EML5: variants seen among roughly 807,000 people sequenced by gnomAD.
The protein encoded by EML5 is EMAP like 5.
A neutral mutation model predicts 250.0 loss-of-function variants in EML5; 120 were observed. The observed-to-expected ratio is 0.48, with a 90% confidence interval of 0.41 to 0.56. The LOEUF (loss-of-function observed/expected upper bound fraction) is 0.56, where lower values mean the gene tolerates loss of function less well. Ranked by LOEUF, EML5 falls within the 20% of genes least tolerant of loss-of-function variation. EML5 has a pLI of 0.00. For missense variants in EML5, 2,006 were observed against 2,437.6 expected, an observed-to-expected ratio of 0.82 and a Z score of 3.73; for synonymous variants, 771 against 806.5, an observed-to-expected ratio of 0.96 and a Z score of 0.75.
intron 7 of EML5, among the ~76,000 whole-genome samples, chr14:88,736,034 C>T (rs1180438300): frequency 1.4e-5 from 2 of 139,444 alleles, no homozygotes; most frequent in Admixed American, 1.5e-4. Context: ...TGGAGTCTCA[C>T]TCTGTTGCCA....
Position 88,783,130 on chromosome 14 carries a change from G to A in EML5, c.197+9177C>T, listed in dbSNP as rs150099287. ...AAGAAAGAAAAGAAAATGCCTGGAC[G>A]TCCAGGTAGAGGTATGTTGCAGGGG... On this transcript the variant is annotated intron_variant, in intron 1 of 43. Transcript: ENST00000554922. 9.3e-4 allele frequency among the ~76,000 whole-genome samples: 141 copies of A among 152,294 alleles called. 1 individual carries two copies. Among genetic ancestry groups the A allele is most frequent in the African/African-American group, 2.5e-3 (104 of 41,576 alleles).
At chr14:88,622,458 G>A (rs1003885164) in intron 37 of EML5, 146 bp downstream of exon 37, 1 of 580,266 alleles carries the variant, frequency 1.7e-6, no homozygotes, top group Non-Finnish European at 2.7e-6. Context: ...GGCAAAGAAA[G>A]CAGCAAAGAC....
intron 21 of EML5, among the ~76,000 whole-genome samples, chr14:88,673,191 ATCAAGCTG>A (rs2092512945): frequency 6.6e-6 from 1 of 152,224 alleles, no homozygotes; most frequent in South Asian, 2.1e-4. Context: ...ATCCACCACG[ATCAAGCTG>A]TCTTCATCCC....
At chr14:88,741,752 G>C (rs952047027) in intron 4 of EML5, among the ~76,000 whole-genome samples, 1 of 152,012 alleles carries the variant, frequency 6.6e-6, no homozygotes, top group East Asian at 1.9e-4. Flanking sequence ...ACAGGGCAGA[G>C]ATACATACAT....
chr14:88,641,808 C>T (rs907144010), intron 31 of EML5, among the ~76,000 whole-genome samples: 141 of 152,186 alleles, frequency 9.3e-4, no homozygotes, highest in African/African-American at 3.3e-3. Context: ...CTAGACACCC[C>T]ACCACTAGAA....
At position 88,639,293 on chromosome 14, in the gene EML5, C is replaced by T. The variant is rs552945893; in HGVS notation, c.4238-386G>A. 2.0e-4 allele frequency among the ~76,000 whole-genome samples: 30 copies of T among 152,260 alleles called. No individual in the cohort carries two copies. In the South Asian group the frequency reaches 6.2e-3, roughly 32 times the overall value. ...CTTCTAGACAGAGGAACACTTTAAG[C>T]AGAGGCCTAAAGGCAGGAAAGTGTT... On this transcript the variant is annotated intron_variant, in intron 31 of 43. Coordinates refer to ENST00000554922, the MANE Select transcript of EML5 (RefSeq NM_183387.3).
In EML5 at chr14:88,703,419, C is replaced by T. The variant is rs145838793; in HGVS notation, c.2052-787G>A. Among the ~76,000 whole-genome samples the T allele has an allele frequency of 2.8e-3, 430 of 151,974 alleles. 5 individuals carry two copies. Among genetic ancestry groups the T allele is most frequent in the Admixed American group, 0.018 (276 of 15,266 alleles). On this transcript the variant is annotated intron_variant, in intron 13 of 43. Coordinates refer to ENST00000554922, the MANE Select transcript of EML5 (RefSeq NM_183387.3). ...GACCATGAGAATACAACGTATATTC[C>T]AAAAATAAGTTTAAACTACAATTTT...
chr14:88,766,900 T>A (rs952957380), intron 1 of EML5, among the ~76,000 whole-genome samples: 1 of 152,156 alleles, frequency 6.6e-6, no homozygotes, highest in African/African-American at 2.4e-5. Flanking sequence ...CCACGTTGAG[T>A]ATCGGGGGCT....
intron 32 of EML5, among the ~76,000 whole-genome samples, chr14:88,637,159 T>C (rs2090784927): frequency 6.6e-6 from 1 of 152,204 alleles, no homozygotes; most frequent in South Asian, 2.1e-4. Flanking sequence ...TAAAATCCTT[T>C]CTTATTCTTT....
At chr14:88,716,258 G>A (rs1432799643) in intron 8 of EML5, among the ~76,000 whole-genome samples, 1 of 152,094 alleles carries the variant, frequency 6.6e-6, no homozygotes, top group East Asian at 1.9e-4. Context: ...AGAAAAATGA[G>A]CCCCAAGATA....
chr14:88,719,848 A>G (rs2093562673), intron 8 of EML5, among the ~76,000 whole-genome samples: 1 of 152,122 alleles, frequency 6.6e-6, no homozygotes, highest in Non-Finnish European at 1.5e-5. Flanking sequence ...TTAATCTAGG[A>G]TCTGGTTTTT....
chr14:88,736,630 A>C (rs2093844463), intron 6 of EML5, 65 bp from the exon 7 acceptor site: 1 of 1,515,484 alleles, frequency 6.6e-7, no homozygotes, highest in Non-Finnish European at 9.1e-7. Context: ...GGAGGCAGAC[A>C]AATCCCTATG....
At chr14:88,756,615 A>C (rs2094163497) in intron 1 of EML5, among the ~76,000 whole-genome samples, 1 of 152,182 alleles carries the variant, frequency 6.6e-6, no homozygotes, top group South Asian at 2.1e-4. Flanking sequence ...CAAAAAATGA[A>C]GAGCTAATAT....
rs770430728 is a variant in EML5, at chr14:88,740,372, C to T, written c.711+15G>A. 6.3e-7 allele frequency: 1 copy of T among 1,593,672 alleles called. No homozygotes were observed. Among genetic ancestry groups the T allele is most frequent in the Non-Finnish European group, 8.5e-7 (1 of 1,169,700 alleles). On this transcript the variant is annotated intron_variant, in intron 5 of 43. Transcript: ENST00000554922. ...AATACACATGAAAGTGTTTAAAATA[C>T]TTAAATGTACTTACAGCATGGGCTC...
At chr14:88,785,111 A>G (rs956842399) in intron 1 of EML5, among the ~76,000 whole-genome samples, 2 of 152,208 alleles carry the variant, frequency 1.3e-5, no homozygotes, top group Non-Finnish European at 2.9e-5. Flanking sequence ...GCATGTTCCC[A>G]CTTATTTGTG....
chr14:88,687,808 T>A (rs1252533203), intron 18 of EML5, among the ~76,000 whole-genome samples: 1 of 151,946 alleles, frequency 6.6e-6, no homozygotes, highest in African/African-American at 2.4e-5. Context: ...GCTGGCACCA[T>A]GGCTCATGCC....
At chr14:88,672,929 C>G (rs185261603) in intron 21 of EML5, among the ~76,000 whole-genome samples, 5 of 152,004 alleles carry the variant, frequency 3.3e-5, no homozygotes, top group African/African-American at 7.2e-5. Flanking sequence ...CAGGACCAGA[C>G]AGATTTACAG....
In EML5 at chr14:88,616,776, C is replaced by G. The variant is rs1258676521; in HGVS notation, c.5746G>C (p.Asp1916His). The G allele has an allele frequency of 6.2e-7, 1 of 1,613,928 alleles. No individual in the cohort carries two copies. The highest frequency in any genetic ancestry group is 2.2e-5 in the East Asian group (1 of 44,870). Residue 1916 changes from aspartate (D) to histidine (H), a missense_variant, in exon 42 of 44, where the codon GAT (aspartate) becomes CAT (histidine). Asp to His is a moderately conservative substitution (Grantham distance 81). Around this residue, in one of 7 missense-constraint regions of EML5, gnomAD observed 405 missense variants for 523.3 expected, o/e 0.77. Coordinates refer to ENST00000554922, the MANE Select transcript of EML5 (RefSeq NM_183387.3). ...AATAACTTAACCATGCCAAAGTCAT[C>G]TCCTGTAACAAGACTGATTCCTGAA... is the stretch of plus-strand genomic sequence containing the variant. Reference protein sequence around the residue: ...SHSGISLVTGDDFGMVKLFDF... With the variant: ...SHSGISLVTGHDFGMVKLFDF...
chr14:88,702,333 A>C, intron 14 of EML5, 113 bp downstream of exon 14: 25 of 720,160 alleles, frequency 3.5e-5, no homozygotes, highest in South Asian at 6.5e-5. Flanking sequence ...AACTCATTCT[A>C]AAGAATTCTT....
Sources: gnomAD v4.1 joint callset for allele counts (sites outside exome capture counted in the v4.1 genomes callset) on GRCh38, gnomAD v4.1.1 for gene constraint, gnomAD v4.1.1 regional missense constraint, MANE v1.5 for transcripts, NCBI Gene and HGNC (gene_info 2026-07-23, HGNC 2026-07-21) for gene names.